Variants in CASK observed in about 807,000 individuals in gnomAD.
CASK encodes peripheral plasma membrane protein CASK.
Under a neutral mutation model 82.9 loss-of-function variants are expected in CASK, and 4 were observed. That is an observed-to-expected ratio of 0.05 (90% CI 0.02 to 0.11). The LOEUF is 0.11. CASK is among the 10% of genes least tolerant of loss of function. The pLI is 1.00. For synonymous variants in CASK, 259 were observed against 253.5 expected (o/e 1.02, Z -0.20); for missense variants, 358 against 720.9 (o/e 0.50, Z 5.76).
At position 41,559,767 on chromosome X, in the gene CASK, T is replaced by C. The variant is rs1156447768; in HGVS notation, c.1737+12A>G. On this transcript the variant is annotated intron_variant, in intron 18 of 26. Transcript: ENST00000378163. ...CTCAGAGCAGATGGGGGTGGTTTGT[T>C]AGAGTCATTACCTCACAGGACGAAG... is the stretch of plus-strand genomic sequence containing the variant. The C allele has an allele frequency of 4.2e-6, 5 of 1,199,520 alleles. No homozygotes were observed. In the East Asian group the frequency reaches 1.5e-4, roughly 36 times the overall value.
chrX:41,775,886 G>A (rs2069353521), intron 3 of CASK, among the ~76,000 whole-genome samples: 1 of 77,410 alleles, frequency 1.3e-5, no homozygotes, highest in Admixed American at 1.6e-4. Context: ...GGACTGTTGT[G>A]GGGTGGGGGG....
intron 6 of CASK, chrX:41,665,727 T>C: frequency 2.8e-6 from 1 of 361,870 alleles, no homozygotes; most frequent in Non-Finnish European, 4.8e-6. Context: ...GGTATTTATG[T>C]GGTTCTTACC....
intron 17 of CASK, among the ~76,000 whole-genome samples, chrX:41,560,900 GA>G (rs370968399): frequency 1.9e-5 from 2 of 107,451 alleles, no homozygotes; most frequent in Non-Finnish European, 3.9e-5. Flanking sequence ...TCAAAAAAAA[GA>G]AAAAAAAATG....
intron 8 of CASK, among the ~76,000 whole-genome samples, chrX:41,651,760 A>G (rs1569369850): frequency 4.5e-5 from 5 of 111,903 alleles, no homozygotes; most frequent in African/African-American, 1.6e-4. Flanking sequence ...AGCATGGTAT[A>G]ATACAACGAA....
rs190921217 is a variant in CASK, at chrX:41,758,780, G to T, written c.279-13179C>A. Among the ~76,000 whole-genome samples, 3 of 112,375 alleles carry T rather than the reference G, an allele frequency of 2.7e-5. No individual in the cohort carries two copies. The Admixed American group carries it at 2.8e-4, about 11-fold the overall frequency. ...GATTGTTAATTAAGATATGCAAGTA[G>T]ATAGAAACCTTCACCTTTTCAATGG... On this transcript the variant is annotated intron_variant, in intron 3 of 26. Transcript: ENST00000378163.
At chrX:41,788,263 A>AAAC (rs78681277) in intron 2 of CASK, among the ~76,000 whole-genome samples, 17,696 of 110,201 alleles carry the variant, frequency 0.16, 1,422 homozygotes, top group Middle Eastern at 0.3. Context: ...ACTACTGTGT[A>AAAC]AACTCTATAA....
chrX:41,729,747 C>T (rs2068342060), intron 5 of CASK: 1 of 26,010 alleles, frequency 3.8e-5, no homozygotes, highest in Admixed American at 7.9e-4. Flanking sequence ...GAGACTCTGT[C>T]TCAAAAAAAA....
At chrX:41,569,618 A>C (rs2065376392) in intron 16 of CASK, 50 bp downstream of exon 16, 1 of 888,744 alleles carries the variant, frequency 1.1e-6, no homozygotes, top group Non-Finnish European at 1.6e-6. Context: ...ACTAGGCTAC[A>C]GGGAAAAAAA....
intron 5 of CASK, among the ~76,000 whole-genome samples, chrX:41,680,893 C>G (rs1470637820): frequency 2.7e-5 from 3 of 109,353 alleles, no homozygotes; most frequent in African/African-American, 1.0e-4. Flanking sequence ...CCAGCCTGGG[C>G]AACAAGAGCG....
intron 2 of CASK, among the ~76,000 whole-genome samples, chrX:41,834,686 T>C (rs2070896022): frequency 8.9e-6 from 1 of 111,843 alleles, no homozygotes; most frequent in Admixed American, 9.5e-5. Context: ...CACTCCCTAT[T>C]GCAATAGTTT....
chrX:41,747,558 C>G (rs926989453), intron 3 of CASK, among the ~76,000 whole-genome samples: 1 of 111,608 alleles, frequency 9.0e-6, no homozygotes, highest in African/African-American at 3.3e-5. Context: ...CCTGCCCCAG[C>G]CTCCCAAGTA....
intron 3 of CASK, among the ~76,000 whole-genome samples, chrX:41,751,960 C>T (rs185305177): frequency 2.8e-5 from 3 of 107,926 alleles, no homozygotes; most frequent in South Asian, 4.1e-4. Flanking sequence ...GTGGGAGGAT[C>T]GCTTGAGCCC....
At chrX:41,899,628 T>C (rs1000886663) in intron 1 of CASK, among the ~76,000 whole-genome samples, 9 of 111,700 alleles carry the variant, frequency 8.1e-5, no homozygotes, top group African/African-American at 2.0e-4. Context: ...ATATCTTACA[T>C]TGATAACTTC....
chrX:41,830,680 C>T (rs1431414779), intron 2 of CASK, among the ~76,000 whole-genome samples: 12 of 107,680 alleles, frequency 1.1e-4, no homozygotes, highest in African/African-American at 3.4e-4. Flanking sequence ...ATTAGCCGGG[C>T]GTGGTGGCGG....
At chrX:41,876,266 T>C (rs896285086) in intron 1 of CASK, among the ~76,000 whole-genome samples, 1 of 111,521 alleles carries the variant, frequency 9.0e-6, no homozygotes, top group African/African-American at 3.3e-5. Context: ...CTCTCTAAGG[T>C]AGCATATTTA....
intron 1 of CASK, among the ~76,000 whole-genome samples, chrX:41,873,838 G>GGAGT (rs2071757749): frequency 1.0e-5 from 1 of 96,206 alleles, no homozygotes; most frequent in South Asian, 5.2e-4. Flanking sequence ...TGCCAAGGCT[G>GGAGT]GAGTGCAGTG....
chrX:41,848,883 G>A (rs2071208852), intron 2 of CASK, among the ~76,000 whole-genome samples: 1 of 112,076 alleles, frequency 8.9e-6, no homozygotes, highest in African/African-American at 3.2e-5. Context: ...GAAGTTCACT[G>A]TTGTTACTAA....
intron 1 of CASK, among the ~76,000 whole-genome samples, chrX:41,876,450 T>C (rs926191386): frequency 9.0e-6 from 1 of 111,599 alleles, no homozygotes; most frequent in Non-Finnish European, 1.9e-5. Context: ...ATCAGACATA[T>C]GCCAAGGTCC....
chrX:41,527,479 T>A (rs1244926978), intron 25 of CASK, among the ~76,000 whole-genome samples: 1 of 112,085 alleles, frequency 8.9e-6, no homozygotes, highest in Non-Finnish European at 1.9e-5. Flanking sequence ...TTGACCCAAG[T>A]GTATAAGAGG....
Sources: gnomAD v4.1 joint callset for allele counts (sites outside exome capture counted in the v4.1 genomes callset) on GRCh38, gnomAD v4.1.1 for gene constraint, MANE v1.5 for transcripts, NCBI Gene and HGNC (gene_info 2026-07-23, HGNC 2026-07-21) for gene names.